SCAF8: variants seen among roughly 807,000 people sequenced by gnomAD.
The protein encoded by SCAF8 is SR-related CTD associated factor 8, also known as SR-related and CTD-associated factor 8.
Under a neutral mutation model 140.5 loss-of-function variants are expected in SCAF8, and 23 were observed. The observed-to-expected ratio is 0.16, with a 90% CI of 0.12 to 0.23. The LOEUF is 0.23. SCAF8 is among the 10% of genes least tolerant of loss of function. The pLI, the probability that SCAF8 is intolerant of heterozygous loss-of-function variation, is 1.00. For synonymous variants in SCAF8, 575 were observed against 528.9 expected, an observed-to-expected ratio of 1.09 and a Z score of -1.20; for missense variants, 1,397 against 1,555.7, an observed-to-expected ratio of 0.90 and a Z score of 1.72.
chr6:154,819,905 T>A (rs1437838344), intron 14 of SCAF8, among the ~76,000 whole-genome samples: 1 of 151,710 alleles, frequency 6.6e-6, no homozygotes, highest in Non-Finnish European at 1.5e-5. Context: ...GGAATATCGA[T>A]GGCTTGAGCC....
chr6:154,807,121 G>A (rs1422038785), intron 9 of SCAF8, among the ~76,000 whole-genome samples: 1 of 152,036 alleles, frequency 6.6e-6, no homozygotes, highest in African/African-American at 2.4e-5. Flanking sequence ...TGTTTTTAAT[G>A]GTCTCTCTCT....
chr6:154,782,058 C>G (rs1777101022), intron 3 of SCAF8, among the ~76,000 whole-genome samples: 2 of 152,246 alleles, frequency 1.3e-5, no homozygotes, highest in South Asian at 4.1e-4. Flanking sequence ...ATACTCTGGT[C>G]TCTGGCCTTG....
At chr6:154,796,552 C>CT (rs1777615413) in intron 6 of SCAF8, among the ~76,000 whole-genome samples, 1 of 152,140 alleles carries the variant, frequency 6.6e-6, no homozygotes, top group South Asian at 2.1e-4. Flanking sequence ...TCACCCTACT[C>CT]TATTTTCAAA....
intron 3 of SCAF8, among the ~76,000 whole-genome samples, chr6:154,784,155 A>ATATATATATATATTTATATTTATT: frequency 1.1e-5 from 1 of 92,018 alleles, no homozygotes; most frequent in African/African-American, 4.0e-5. Flanking sequence ...ATATATATAT[A>ATATATATATATATTTATATTTATT]TATTTATTTA....
intron 18 of SCAF8, among the ~76,000 whole-genome samples, chr6:154,829,858 G>A (rs759721401): frequency 6.6e-6 from 1 of 152,150 alleles, no homozygotes; most frequent in Non-Finnish European, 1.5e-5. Flanking sequence ...AGTGAGCCGA[G>A]ATCACGCTAC....
intron 1 of SCAF8, among the ~76,000 whole-genome samples, chr6:154,748,776 G>A (rs1315427703): frequency 6.6e-6 from 1 of 152,176 alleles, no homozygotes; most frequent in African/African-American, 2.4e-5. Context: ...CTGAAGAGTA[G>A]TAAAATCCTA....
intron 14 of SCAF8, among the ~76,000 whole-genome samples, chr6:154,819,633 T>C (rs1019712626): frequency 6.6e-6 from 1 of 151,588 alleles, no homozygotes; most frequent in Non-Finnish European, 1.5e-5. Context: ...CTCATGTAGG[T>C]TGACATTTTT....
At chr6:154,811,862 A>G (rs1235271063) in intron 12 of SCAF8, among the ~76,000 whole-genome samples, 1 of 152,180 alleles carries the variant, frequency 6.6e-6, no homozygotes, top group Non-Finnish European at 1.5e-5. Flanking sequence ...TGCAAAGGAC[A>G]TGAACTCATC....
chr6:154,802,200 C>T (rs1777792505), intron 7 of SCAF8, 53 bp downstream of exon 7: 2 of 1,067,880 alleles, frequency 1.9e-6, no homozygotes, highest in African/African-American at 1.6e-5. Flanking sequence ...ATATTATATA[C>T]TATCATGGAT....
chr6:154,832,562 A>G lies in SCAF8; in HGVS notation c.2983A>G (p.Thr995Ala). Reference sequence around the variant, plus strand: ...TGGAAGACAAAGCGTAGACAATGTTACTAACCCAGAAAAAAGGATACCACT... The same window carrying G: ...TGGAAGACAAAGCGTAGACAATGTTGCTAACCCAGAAAAAAGGATACCACT... ...APGRQSVDNVTNPEKRIPLGN... is the reference protein window; with the variant it reads ...APGRQSVDNVANPEKRIPLGN... Residue 995 changes from threonine (T) to alanine (A), a missense_variant, in exon 20 of 20, where the codon ACT becomes GCT. Around this residue, in one of 5 missense-constraint regions of SCAF8, gnomAD observed 930 missense variants for 874.6 expected, o/e 1.06. Coordinates refer to ENST00000367178, the MANE Select transcript of SCAF8 (RefSeq NM_014892.5). The G allele has an allele frequency of 6.8e-6, 11 of 1,614,162 alleles. No individual in the cohort carries two copies. Among genetic ancestry groups the G allele is most frequent in the Non-Finnish European group, 9.3e-6 (11 of 1,180,014 alleles).
chr6:154,808,029 G>A (rs1362354565), intron 9 of SCAF8, 41 bp from the exon 10 acceptor site: 1 of 1,550,864 alleles, frequency 6.4e-7, no homozygotes, highest in Admixed American at 2.0e-5. Context: ...ATAACAAAAA[G>A]TATCTCCCAA....
intron 1 of SCAF8, among the ~76,000 whole-genome samples, chr6:154,739,638 T>C (rs1316191722): frequency 6.6e-6 from 1 of 152,206 alleles, no homozygotes; most frequent in African/African-American, 2.4e-5. Flanking sequence ...ATACCTAAAT[T>C]CTTAGTATTT....
At chr6:154,830,280 C>T (rs1247452242) in intron 18 of SCAF8, among the ~76,000 whole-genome samples, 1 of 152,152 alleles carries the variant, frequency 6.6e-6, no homozygotes, top group Non-Finnish European at 1.5e-5. Context: ...CCTAAGTTCT[C>T]CAAGTATGAT....
chr6:154,783,041 T>G (rs756955074), intron 3 of SCAF8, among the ~76,000 whole-genome samples: 3 of 152,170 alleles, frequency 2.0e-5, no homozygotes, highest in Non-Finnish European at 4.4e-5. Flanking sequence ...ATAACTAACT[T>G]ACCTTAGTTA....
intron 12 of SCAF8, among the ~76,000 whole-genome samples, chr6:154,814,170 C>A (rs947084938): frequency 1.3e-5 from 2 of 152,072 alleles, no homozygotes; most frequent in African/African-American, 4.8e-5. Context: ...AAAGATACAA[C>A]AAAAATTAGC....
chr6:154,815,030 G>T (rs1021906711), intron 12 of SCAF8, among the ~76,000 whole-genome samples: 1 of 152,200 alleles, frequency 6.6e-6, no homozygotes, highest in African/African-American at 2.4e-5. Flanking sequence ...GGGTGCGGTG[G>T]CTCACGCCTG....
intron 2 of SCAF8, among the ~76,000 whole-genome samples, chr6:154,777,010 G>A (rs990051517): frequency 1.3e-5 from 2 of 152,044 alleles, no homozygotes; most frequent in Non-Finnish European, 2.9e-5. Flanking sequence ...GCGAAACCCC[G>A]TCTCTACTAA....
At position 154,733,936 on chromosome 6, in the gene SCAF8, T is replaced by A. The variant is rs1778335389; in HGVS notation, c.30+6T>A. On this transcript the variant is annotated splice_donor_region_variant and intron_variant, in intron 1 of 19. Transcript: ENST00000367178. ...TGAAGACCTTCAATAGCGAGGTTGG[T>A]ATGGCAGCCGGGTTCCCCTGCTCCT... The A allele has an allele frequency of 1.3e-6, 2 of 1,531,098 alleles. No individual in the cohort carries two copies. Among genetic ancestry groups the A allele is most frequent in the Non-Finnish European group, 8.7e-7 (1 of 1,145,896 alleles). The allele number at this position is 1,531,098 out of a possible 1,614,324, so 94.8% of individuals were successfully genotyped here. A position where few individuals can be genotyped will look rare whatever the true frequency, so the allele number is the denominator to read the frequency against.
intron 1 of SCAF8, among the ~76,000 whole-genome samples, chr6:154,752,490 A>T (rs895888540): frequency 3.9e-5 from 6 of 151,954 alleles, no homozygotes; most frequent in Non-Finnish European, 8.8e-5. Context: ...TGGGAATTTT[A>T]ATTTTTTTTT....
Sources: gnomAD v4.1 joint callset for allele counts (sites outside exome capture counted in the v4.1 genomes callset) on GRCh38, gnomAD v4.1.1 for gene constraint, gnomAD v4.1.1 regional missense constraint, MANE v1.5 for transcripts, NCBI Gene and HGNC (gene_info 2026-07-23, HGNC 2026-07-21) for gene names.